Variants in PDS5A observed in about 807,000 individuals in gnomAD.
PDS5A encodes PDS5 cohesin associated factor A, also known as sister chromatid cohesion protein PDS5 homolog A.
PDS5A carries 42 observed loss-of-function variants against 167.1 expected under a neutral mutation model. The ratio of observed to expected loss-of-function variants is 0.25; its 90% CI spans 0.20 to 0.33. The LOEUF is 0.33. Ranked by LOEUF, PDS5A falls within the 10% of genes least tolerant of loss-of-function variation. The pLI is 1.00. For synonymous variants in PDS5A, 553 were observed against 554.6 expected, an observed-to-expected ratio of 1.00 and a Z score of 0.04; for missense variants, 1,033 against 1,605.9, an observed-to-expected ratio of 0.64 and a Z score of 6.10.
chr4:39,864,290 T>G (rs1719243115), intron 23 of PDS5A, among the ~76,000 whole-genome samples: 1 of 152,096 alleles, frequency 6.6e-6, no homozygotes, highest in Middle Eastern at 3.4e-3. Context: ...AGGGCTGCAG[T>G]TAAGAGTGAA....
chr4:39,905,095 T>G (rs1723217488), intron 11 of PDS5A, among the ~76,000 whole-genome samples: 1 of 151,906 alleles, frequency 6.6e-6, no homozygotes, highest in Admixed American at 6.6e-5. Flanking sequence ...GCTCAGGACT[T>G]GGGGAACTGA....
At position 39,888,241 on chromosome 4, in the gene PDS5A, C is replaced by CAAAAAAA. The variant is rs34845975; in HGVS notation, c.1886+2001_1886+2007dup. Reference sequence around the variant, plus strand: ...AGCTGGTGACAGAGCAAGACTCCGGCAAAAAAAAAAAAAAAAAAAAAAAAG... The same window carrying CAAAAAAA: ...AGCTGGTGACAGAGCAAGACTCCGGCAAAAAAAAAAAAAAAAAAAAAAAAAAAAAAAG... On this transcript the variant is annotated intron_variant, in intron 17 of 32. Coordinates refer to ENST00000303538, the MANE Select transcript of PDS5A (RefSeq NM_001100399.2). Among the ~76,000 whole-genome samples the CAAAAAAA allele has an allele frequency of 2.9e-3, 163 of 56,248 alleles. 2 individuals carry two copies. The highest frequency in any genetic ancestry group is 0.01 in the African/African-American group (158 of 15,212). The allele number at this position is 56,248 out of a possible 152,430, so 36.9% of individuals were successfully genotyped here.
Position 39,973,686 on chromosome 4 carries a change from G to A in PDS5A, c.138+2754C>T, listed in dbSNP as rs374599594. ...AACCATCGTATGTAGCTTTAGCTCA[G>A]CGCAAAGAAGAGTGCCAGGCTCACT... On this transcript the variant is annotated intron_variant, in intron 2 of 32. Coordinates refer to ENST00000303538, the MANE Select transcript of PDS5A (RefSeq NM_001100399.2). 84 of 1,290,560 alleles carry A rather than the reference G, an allele frequency of 6.5e-5. No individual in the cohort carries two copies. The Middle Eastern group carries it at 2.4e-3, about 37-fold the overall frequency. 79.9% of individuals were successfully genotyped at this position (1,290,560 alleles called of 1,614,324 possible).
chr4:39,828,715 C>T (rs1023830358), intron 32 of PDS5A, among the ~76,000 whole-genome samples: 2 of 152,062 alleles, frequency 1.3e-5, no homozygotes, highest in African/African-American at 4.8e-5. Flanking sequence ...GGAGGTGGTG[C>T]AAGTGTAAAG....
chr4:39,856,364 A>T (rs961925582), intron 26 of PDS5A, among the ~76,000 whole-genome samples: 1 of 152,228 alleles, frequency 6.6e-6, no homozygotes, highest in Admixed American at 6.5e-5. Flanking sequence ...GAGAAATGCT[A>T]AAGTGAGTCC....
intron 2 of PDS5A, among the ~76,000 whole-genome samples, chr4:39,954,307 C>T (rs1372909493): frequency 6.6e-6 from 1 of 151,988 alleles, no homozygotes; most frequent in Non-Finnish European, 1.5e-5. Flanking sequence ...CTGCAATGAG[C>T]CATGACGGTG....
At chr4:39,973,856 T>G in intron 2 of PDS5A, 1 of 890,654 alleles carries the variant, frequency 1.1e-6, no homozygotes, top group Non-Finnish European at 1.9e-6. Flanking sequence ...CCGGGCGCGG[T>G]GGCTCACGCC....
At chr4:39,957,694 G>A (rs1729069237) in intron 2 of PDS5A, among the ~76,000 whole-genome samples, 1 of 150,894 alleles carries the variant, frequency 6.6e-6, no homozygotes, top group African/African-American at 2.4e-5. Context: ...GCTGAGGCAG[G>A]AGAATGGCAT....
intron 26 of PDS5A, among the ~76,000 whole-genome samples, chr4:39,861,066 T>TAA (rs1292282053): frequency 5.9e-5 from 8 of 135,910 alleles, no homozygotes; most frequent in Non-Finnish European, 1.1e-4. Flanking sequence ...CTTGTCTCAT[T>TAA]AAAAAAAAAA....
chr4:39,893,447 ACT>A (rs570551399), intron 16 of PDS5A, among the ~76,000 whole-genome samples: 34 of 152,254 alleles, frequency 2.2e-4, no homozygotes, highest in Admixed American at 1.1e-3. Context: ...ATGCCTACTA[ACT>A]CTCGTATCAA....
At chr4:39,865,028 G>A (rs1184198592) in intron 23 of PDS5A, among the ~76,000 whole-genome samples, 2 of 152,004 alleles carry the variant, frequency 1.3e-5, no homozygotes, top group African/African-American at 4.8e-5. Flanking sequence ...CATTTTTGAG[G>A]ATCTAGATGC....
intron 8 of PDS5A, 114 bp downstream of exon 8, chr4:39,916,934 G>T (rs1285368117): frequency 4.0e-6 from 2 of 495,674 alleles, no homozygotes; most frequent in Admixed American, 4.3e-5. Flanking sequence ...AAAATTATGC[G>T]GTATACATTT....
chr4:39,973,055 A>T, intron 2 of PDS5A: 1 of 661,760 alleles, frequency 1.5e-6, no homozygotes, highest in Non-Finnish European at 2.7e-6. Context: ...TTTTTTCCAT[A>T]TTTAAGTTTT....
chr4:39,941,211 G>A (rs574755227), intron 2 of PDS5A, among the ~76,000 whole-genome samples: 1 of 151,488 alleles, frequency 6.6e-6, no homozygotes, highest in South Asian at 2.1e-4. Context: ...TTAAAAATTT[G>A]TGTAGTCCTA....
chr4:39,841,344 G>A (rs1716993700), intron 31 of PDS5A, among the ~76,000 whole-genome samples: 1 of 151,872 alleles, frequency 6.6e-6, no homozygotes, highest in Admixed American at 6.6e-5. Flanking sequence ...TCGCCATGTT[G>A]GCCAGGCTGG....
At chr4:39,829,950 C>CAAAAAAACAAAAAAAAA (rs1715689123) in intron 32 of PDS5A, among the ~76,000 whole-genome samples, 1 of 67,296 alleles carries the variant, frequency 1.5e-5, no homozygotes, top group African/African-American at 8.4e-5. Flanking sequence ...GACTCCAACT[C>CAAAAAAACAAAAAAAAA]AAAAAAAAAA....
At chr4:39,968,878 G>C (rs1578849230) in intron 2 of PDS5A, among the ~76,000 whole-genome samples, 1 of 147,804 alleles carries the variant, frequency 6.8e-6, no homozygotes, top group South Asian at 2.2e-4. Flanking sequence ...CAGGTTCAAG[G>C]GATTCTACTG....
chr4:39,944,215 T>C, intron 2 of PDS5A, among the ~76,000 whole-genome samples: 1 of 150,812 alleles, frequency 6.6e-6, no homozygotes, highest in East Asian at 1.9e-4. Flanking sequence ...TATTAATCAT[T>C]ATGGAAGGTT....
At chr4:39,972,037 A>C (rs759658063) in intron 2 of PDS5A, among the ~76,000 whole-genome samples, 1 of 152,204 alleles carries the variant, frequency 6.6e-6, no homozygotes, top group Non-Finnish European at 1.5e-5. Context: ...AGGACATTGA[A>C]GTTGGTTGAT....
Sources: gnomAD v4.1 joint callset for allele counts (sites outside exome capture counted in the v4.1 genomes callset) on GRCh38, gnomAD v4.1.1 for gene constraint, MANE v1.5 for transcripts, NCBI Gene and HGNC (gene_info 2026-07-23, HGNC 2026-07-21) for gene names.